Variants in ABCA13 observed in about 807,000 individuals in gnomAD.
ABCA13 encodes ATP binding cassette subfamily A member 13.
In ABCA13, 476 loss-of-function variants were observed where a neutral mutation model predicts 478.7. That is an observed-to-expected ratio of 0.99 (90% CI 0.92 to 1.07). The LOEUF (loss-of-function observed/expected upper bound fraction) is 1.07. ABCA13 is among the 50% of genes least tolerant of loss of function. ABCA13 has a pLI of 0.00. For synonymous variants in ABCA13, 2,252 were observed against 2,158.9 expected (o/e 1.04, Z -1.20); for missense variants, 6,060 against 5,910.6 (o/e 1.03, Z -0.83).
chr7:48,193,012 A>G lies in ABCA13; in HGVS notation c.123A>G (p.Thr41=), dbSNP rs766686036. The G allele has an allele frequency of 6.5e-7, 1 of 1,534,250 alleles. No homozygotes were observed. The highest frequency in any genetic ancestry group is 8.7e-7 in the Non-Finnish European group (1 of 1,145,986). The change falls in exon 2 of 62, where the codon ACA becomes ACG. Residue 41 remains threonine (T), a synonymous_variant. Coordinates refer to ENST00000435803, the MANE Select transcript of ABCA13 (RefSeq NM_152701.5). ...CTTGTATCCTGTTTGTAATTCTGACAGTTCTTCGTTTTCAAGAACCTCCCA... is the reference window on the plus strand; with the variant it reads ...CTTGTATCCTGTTTGTAATTCTGACGGTTCTTCGTTTTCAAGAACCTCCCA... ...FWPCILFVIL[T]VLRFQEPPRY...
At chr7:48,558,981 C>T (rs918296750) in intron 55 of ABCA13, among the ~76,000 whole-genome samples, 5 of 152,138 alleles carry the variant, frequency 3.3e-5, no homozygotes, top group African/African-American at 1.2e-4. Context: ...CTTCTTTGGC[C>T]CCCTCTCAGC....
At position 48,645,493 on chromosome 7, in the gene ABCA13, C is replaced by G. The variant is rs377183793; in HGVS notation, c.15158C>G (p.Thr5053Arg). ...GATCCATCCACTGACAGTCACCACA[C>G]ACATCACTTGCCCATCTGAGCACTA... ...TLDPSTDSHH[T>R]HHLPI Residue 5053 changes from threonine (T) to arginine (R), a missense_variant, in exon 62 of 62, where the codon ACA (threonine) becomes AGA (arginine). This residue lies in a region of ABCA13 where 1,627 missense variants were observed against 1,571.0 expected (regional missense o/e 1.04). Coordinates refer to ENST00000435803, the MANE Select transcript of ABCA13 (RefSeq NM_152701.5). 7 of 1,587,914 alleles carry G rather than the reference C, an allele frequency of 4.4e-6. No individual in the cohort carries two copies. The highest frequency in any genetic ancestry group is 3.5e-5 in the Admixed American group (2 of 56,456).
chr7:48,542,683 ATAAG>A (rs1834019797), intron 55 of ABCA13, among the ~76,000 whole-genome samples: 1 of 146,900 alleles, frequency 6.8e-6, no homozygotes, highest in Admixed American at 6.9e-5. Flanking sequence ...AAAAGAATAA[ATAAG>A]TAATAAGATA....
intron 51 of ABCA13, among the ~76,000 whole-genome samples, chr7:48,512,170 C>G (rs1205983511): frequency 2.0e-5 from 3 of 151,974 alleles, no homozygotes; most frequent in African/African-American, 7.3e-5. Context: ...GACAGACAGA[C>G]AAACTTTTGG....
chr7:48,542,328 T>C (rs1833996585), intron 55 of ABCA13, among the ~76,000 whole-genome samples: 1 of 151,798 alleles, frequency 6.6e-6, no homozygotes, highest in South Asian at 2.1e-4. Flanking sequence ...ATTTATGAAG[T>C]ACTAGAGTAA....
intron 3 of ABCA13, among the ~76,000 whole-genome samples, chr7:48,202,840 C>G (rs1798980931): frequency 6.6e-6 from 1 of 152,274 alleles, no homozygotes; most frequent in Non-Finnish European, 1.5e-5. Context: ...AGGAGCCCAG[C>G]TGGCTTCACC....
chr7:48,414,452 T>A (rs1194125411), intron 41 of ABCA13, among the ~76,000 whole-genome samples: 1 of 152,132 alleles, frequency 6.6e-6, no homozygotes, highest in African/African-American at 2.4e-5. Flanking sequence ...AAATATTTTC[T>A]AAGTGAACAA....
intron 58 of ABCA13, among the ~76,000 whole-genome samples, chr7:48,601,230 T>A (rs1322866244): frequency 6.6e-6 from 1 of 152,184 alleles, no homozygotes; most frequent in Non-Finnish European, 1.5e-5. Context: ...TAATTCTTTT[T>A]ATTTTTTATT....
intron 59 of ABCA13, among the ~76,000 whole-genome samples, chr7:48,637,403 A>AAAAAAAAAAAAAAAAAAAAG: frequency 6.7e-6 from 1 of 148,178 alleles, no homozygotes; most frequent in Non-Finnish European, 1.5e-5. Flanking sequence ...AAAAAAAAAA[A>AAAAAAAAAAAAAAAAAAAAG]AAACAGAGAG....
chr7:48,573,376 G>A (rs1193473677), intron 55 of ABCA13, among the ~76,000 whole-genome samples: 4 of 151,378 alleles, frequency 2.6e-5, no homozygotes, highest in Non-Finnish European at 5.9e-5. Flanking sequence ...TATTCCTGGT[G>A]TATTCATTTT....
Position 48,410,663 on chromosome 7 carries a change from ACACT to A in ABCA13, c.12218_12221del (p.Leu4073ArgfsTer12), listed in dbSNP as rs1266852850. 6.2e-7 allele frequency: 1 copy of A among 1,613,434 alleles called. No individual in the cohort carries two copies. Among genetic ancestry groups the A allele is most frequent in the Non-Finnish European group, 8.5e-7 (1 of 1,179,452 alleles). ...GGCATATGGCCAGGGGCTCCGCCTG[ACACT>A]CACGAGGCAGGTAAGGAGTGCAACC... On this transcript the variant is annotated frameshift_variant, in exon 40 of 62. Coordinates refer to ENST00000435803, the MANE Select transcript of ABCA13 (RefSeq NM_152701.5). LOFTEE classifies it high-confidence loss of function.
intron 27 of ABCA13, among the ~76,000 whole-genome samples, chr7:48,325,111 A>G (rs1186158227): frequency 6.6e-6 from 1 of 152,220 alleles, no homozygotes; most frequent in Non-Finnish European, 1.5e-5. Context: ...TAACTTAGAC[A>G]TGCCTATCCA....
chr7:48,269,173 C>A, intron 16 of ABCA13, 79 bp downstream of exon 16: 1 of 761,104 alleles, frequency 1.3e-6, no homozygotes, highest in Middle Eastern at 2.4e-4. Flanking sequence ...ATAGGATATG[C>A]ACTCTTTAAA....
intron 5 of ABCA13, among the ~76,000 whole-genome samples, chr7:48,226,431 G>A (rs777710118): frequency 1.3e-5 from 2 of 152,190 alleles, no homozygotes; most frequent in Admixed American, 6.5e-5. Flanking sequence ...AGTGTGTCTC[G>A]TTTGGAGTAG....
intron 52 of ABCA13, among the ~76,000 whole-genome samples, chr7:48,517,692 A>C (rs1010356836): frequency 6.6e-6 from 1 of 152,102 alleles, no homozygotes; most frequent in Non-Finnish European, 1.5e-5. Context: ...CAGATTTTGC[A>C]CTTTCCTCTG....
At chr7:48,298,603 G>A in intron 23 of ABCA13, 116 bp downstream of exon 23, 1 of 1,233,840 alleles carries the variant, frequency 8.1e-7, no homozygotes, top group Non-Finnish European at 1.1e-6. Context: ...GGCTAGTGTA[G>A]TGGGTTGCTG....
chr7:48,440,473 C>T (rs1823429294), intron 42 of ABCA13, among the ~76,000 whole-genome samples: 1 of 152,062 alleles, frequency 6.6e-6, no homozygotes, highest in African/African-American at 2.4e-5. Flanking sequence ...CATAATTGGT[C>T]TCTACATTCT....
intron 31 of ABCA13, among the ~76,000 whole-genome samples, chr7:48,360,142 T>A (rs893146652): frequency 1.3e-4 from 19 of 151,796 alleles, no homozygotes; most frequent in Non-Finnish European, 7.4e-5. Context: ...CTGCACCCAT[T>A]AACTCGTCAT....
chr7:48,495,497 A>G (rs182617021), intron 48 of ABCA13, among the ~76,000 whole-genome samples: 27 of 152,252 alleles, frequency 1.8e-4, no homozygotes, highest in Non-Finnish European at 1.9e-4. Flanking sequence ...ATTAAAAAAA[A>G]GTATTCTACT....
Sources: allele counts gnomAD v4.1 joint callset (sites outside exome capture counted in the v4.1 genomes callset), GRCh38; gene constraint gnomAD v4.1.1; regional missense constraint gnomAD v4.1.1; transcripts MANE v1.5; gene names NCBI Gene and HGNC (gene_info 2026-07-23, HGNC 2026-07-21).